RHOT1: variants seen among roughly 807,000 people sequenced by gnomAD.
RHOT1 encodes mitochondrial Rho GTPase 1.
Under a neutral mutation model 95.3 loss-of-function variants are expected in RHOT1, and 27 were observed. The ratio of observed to expected loss-of-function variants is 0.28; its 90% CI spans 0.21 to 0.39. The LOEUF (loss-of-function observed/expected upper bound fraction) is 0.39. RHOT1 is among the 10% of genes least tolerant of loss of function. The pLI, the probability that RHOT1 is intolerant of heterozygous loss-of-function variation, is 1.00. For missense variants in RHOT1, 578 were observed against 786.7 expected, an observed-to-expected ratio of 0.73 and a Z score of 3.17; for synonymous variants, 227 against 263.5, an observed-to-expected ratio of 0.86 and a Z score of 1.34.
chr17:32,155,856 A>G (rs1332740244), intron 1 of RHOT1, among the ~76,000 whole-genome samples: 7 of 151,950 alleles, frequency 4.6e-5, no homozygotes, highest in Non-Finnish European at 1.5e-5. Flanking sequence ...TATATTTTTA[A>G]CTTATATTTT....
Position 32,221,074 on chromosome 17 carries a change from T to C in RHOT1, c.1863-3542T>C, listed in dbSNP as rs1320049958. ...AATTATTTCTGCTTAAGTTTAGAAA[T>C]GAGCCAGAAGCGGCCAGGCGTGGTG... is the stretch of plus-strand genomic sequence containing the variant. On this transcript the variant is annotated intron_variant, in intron 19 of 19. Transcript: ENST00000545287. The C allele has an allele frequency of 5.1e-6, 5 of 983,964 alleles. No individual in the cohort carries two copies. In the East Asian group the frequency reaches 5.7e-4, roughly 112 times the overall value. 61.0% of individuals were successfully genotyped at this position (983,964 alleles called of 1,614,324 possible). A position where few individuals can be genotyped will look rare whatever the true frequency, so the allele number is the denominator to read the frequency against.
chr17:32,195,118 C>T (rs563605946), intron 11 of RHOT1, among the ~76,000 whole-genome samples: 1 of 151,928 alleles, frequency 6.6e-6, no homozygotes, highest in African/African-American at 2.4e-5. Flanking sequence ...AGCCACTGCA[C>T]CCGGCCTTTT....
intron 1 of RHOT1, among the ~76,000 whole-genome samples, chr17:32,148,658 T>C (rs1216983494): frequency 1.3e-5 from 2 of 152,196 alleles, no homozygotes; most frequent in African/African-American, 4.8e-5. Context: ...CATAGTTACC[T>C]TCCTCCCCCT....
chr17:32,176,248 A>G lies in RHOT1; in HGVS notation c.329+35A>G, dbSNP rs1368865538. On this transcript the variant is annotated intron_variant, in intron 6 of 19. Transcript: ENST00000545287. ...CCTCTCTCAAACTTTTTATAATTAA[A>G]AAGTTTAAAGCTTGCAGAAAAGGTA... 11 of 1,519,168 alleles carry G rather than the reference A, an allele frequency of 7.2e-6. No homozygotes were observed. The African/African-American group carries it at 1.4e-4, about 19-fold the overall frequency. The allele number at this position is 1,519,168 out of a possible 1,614,324, so 94.1% of individuals were successfully genotyped here.
rs528084788 is a variant in RHOT1, at chr17:32,211,236, C to G, written c.1860C>G (p.Asn620Lys). ...ACAAAATCTTCACTGCAGTTCTTAA[C>G]AGGTTCTTAACTTTATTTACTGGGT... ...VKNKIFTAVL[N>K]RHVTQADLKS... Residue 620 changes from asparagine (N) to lysine (K), a missense_variant and splice_region_variant, in exon 19 of 20, where the codon AAC becomes AAG. Physicochemically the swap from Asn to Lys is moderately conservative, Grantham distance 94 (BLOSUM62 0). Transcript: ENST00000545287. 2.5e-6 allele frequency: 4 copies of G among 1,604,296 alleles called. No homozygotes were observed. In the South Asian group the frequency reaches 3.3e-5, roughly 13 times the overall value.
intron 2 of RHOT1, among the ~76,000 whole-genome samples, chr17:32,172,260 A>C (rs2034638475): frequency 6.6e-6 from 1 of 152,220 alleles, no homozygotes; most frequent in South Asian, 2.1e-4. Flanking sequence ...ATGGTTAAAT[A>C]AGTAATTGCT....
intron 14 of RHOT1, among the ~76,000 whole-genome samples, chr17:32,201,507 G>T (rs1054675616): frequency 6.6e-6 from 1 of 152,180 alleles, no homozygotes; most frequent in Non-Finnish European, 1.5e-5. Context: ...ATCATTTCAA[G>T]AGTTTCTTAT....
At chr17:32,200,580 G>A (rs115623529) in intron 13 of RHOT1, among the ~76,000 whole-genome samples, 4,791 of 151,902 alleles carry the variant, frequency 0.032, 269 homozygotes, top group African/African-American at 0.11. Flanking sequence ...GCAACATGGC[G>A]AAACCCTGTC....
intron 6 of RHOT1, among the ~76,000 whole-genome samples, 189 bp from the exon 7 acceptor site, chr17:32,182,568 G>A (rs900245518): frequency 5.3e-5 from 8 of 152,126 alleles, no homozygotes; most frequent in East Asian, 3.8e-4. Flanking sequence ...GCTTATAATA[G>A]GTGCTCAATA....
intron 2 of RHOT1, among the ~76,000 whole-genome samples, chr17:32,173,453 G>A (rs77777732): frequency 9.7e-4 from 147 of 152,258 alleles, no homozygotes; most frequent in African/African-American, 3.5e-3. Flanking sequence ...GAAATACTCA[G>A]CCTGTGATCC....
Position 32,224,865 on chromosome 17 carries a change from A to T in RHOT1, c.*132A>T. The T allele has an allele frequency of 1.7e-6, 1 of 581,316 alleles. No individual in the cohort carries two copies. Among genetic ancestry groups the T allele is most frequent in the Non-Finnish European group, 3.0e-6 (1 of 328,508 alleles). The allele number at this position is 581,316 out of a possible 1,614,324, so 36.0% of individuals were successfully genotyped here. On this transcript the variant is annotated 3_prime_UTR_variant, in exon 20 of 20. Transcript: ENST00000545287. Reference sequence around the variant, plus strand: ...TTATTAATATTTGTAATTCATGCATAAGAGTATTTTAATGATAGTTATAAC... The same window carrying T: ...TTATTAATATTTGTAATTCATGCATTAGAGTATTTTAATGATAGTTATAAC...
At chr17:32,177,371 A>G (rs559135815) in intron 6 of RHOT1, among the ~76,000 whole-genome samples, 5 of 152,342 alleles carry the variant, frequency 3.3e-5, no homozygotes, top group East Asian at 3.9e-4. Flanking sequence ...TGTATTGGAC[A>G]GGGATGCCTT....
At chr17:32,152,957 A>C (rs948336200) in intron 1 of RHOT1, among the ~76,000 whole-genome samples, 8 of 152,084 alleles carry the variant, frequency 5.3e-5, no homozygotes, top group Admixed American at 1.3e-4. Context: ...ATGCATCGCC[A>C]TGCCTGGCTA....
intron 12 of RHOT1, 99 bp downstream of exon 12, chr17:32,199,130 A>G: frequency 1.0e-6 from 1 of 952,814 alleles, no homozygotes; most frequent in Non-Finnish European, 1.6e-6. Context: ...TATGTTACAT[A>G]GCCAAAAACT....
intron 16 of RHOT1, among the ~76,000 whole-genome samples, chr17:32,204,999 C>A (rs1172809022): frequency 2.7e-5 from 4 of 149,990 alleles, no homozygotes; most frequent in Non-Finnish European, 5.9e-5. Context: ...AAAAAAAAGT[C>A]GAAAAAACTG....
chr17:32,224,464 G>A, intron 19 of RHOT1, 152 bp from the exon 20 acceptor site: 1 of 468,454 alleles, frequency 2.1e-6, no homozygotes, highest in Non-Finnish European at 3.8e-6. Flanking sequence ...TATATATATG[G>A]CTATATTGAT....
chr17:32,201,499 C>A (rs1278796575), intron 14 of RHOT1, among the ~76,000 whole-genome samples: 2 of 152,216 alleles, frequency 1.3e-5, no homozygotes, highest in African/African-American at 4.8e-5. Flanking sequence ...AGGAACTGAT[C>A]ATTTCAAGAG....
At chr17:32,214,663 A>G (rs2038342095) in intron 19 of RHOT1, among the ~76,000 whole-genome samples, 1 of 152,164 alleles carries the variant, frequency 6.6e-6, no homozygotes. Flanking sequence ...AGGTTTTGGC[A>G]GCTGTTACTG....
rs141880248 is a variant in RHOT1, at chr17:32,186,364, AT to A, written c.540+3109del. On this transcript the variant is annotated intron_variant, in intron 8 of 19. Transcript: ENST00000545287. ...TATTGCCTATTCAAAGTCCTTTCCC[AT>A]TTTTTTTTTTTTTTTTGAGACGGAG... Among the ~76,000 whole-genome samples, 586 of 128,134 alleles carry A rather than the reference AT, an allele frequency of 4.6e-3. 2 individuals carry two copies. Among genetic ancestry groups the A allele is most frequent in the Middle Eastern group, 8.7e-3 (2 of 230 alleles). The allele number at this position is 128,134 out of a possible 152,430, so 84.1% of individuals were successfully genotyped here.
Sources: gnomAD v4.1 joint callset for allele counts (sites outside exome capture counted in the v4.1 genomes callset) on GRCh38, gnomAD v4.1.1 for gene constraint, MANE v1.5 for transcripts, NCBI Gene and HGNC (gene_info 2026-07-23, HGNC 2026-07-21) for gene names.